The following SPMIP4 variants were observed in gnomAD, a reference collection of about 807,000 sequenced individuals.
The protein encoded by SPMIP4 is sperm-associated microtubule inner protein 4.
the SPMIP4 span, chr7:25,180,066 GCACCTACGGCC>G: frequency 1.3e-5 from 2 of 152,202 alleles, no homozygotes; most frequent in Non-Finnish European, 2.9e-5. Flanking sequence ...GAGGTCGTCC[GCACCTACGGCC>G]CGGTGGAGCT....
At chr7:25,129,331 C>T in the SPMIP4 span, among the ~76,000 whole-genome samples, 2 of 152,204 alleles carry the variant, frequency 1.3e-5, no homozygotes, top group Admixed American at 6.5e-5. Context: ...TGAATGACTC[C>T]TCTCTAGCTA....
chr7:25,170,968 T>A, the SPMIP4 span, among the ~76,000 whole-genome samples: 25,560 of 152,194 alleles, frequency 0.17, 2,900 homozygotes, highest in African/African-American at 0.32. Flanking sequence ...AGCATCTCCT[T>A]AGAGCTTCTT....
At chr7:25,142,154 TA>T in the SPMIP4 span, 1 of 930,318 alleles carries the variant, frequency 1.1e-6, no homozygotes. Flanking sequence ...ACTTGGTTGC[TA>T]AAACCCAGGA....
the SPMIP4 span, chr7:25,136,315 A>AT: frequency 1.9e-6 from 3 of 1,614,216 alleles, no homozygotes; most frequent in Non-Finnish European, 2.5e-6. This position sits in a 1 kb window ranked among gnomAD's most constrained non-coding sequence, Gnocchi z 5.7. Context: ...GTCTGGACAC[A>AT]TATTATACTG....
At chr7:25,136,223 GCTTA>G in the SPMIP4 span, 11 of 1,613,966 alleles carry the variant, frequency 6.8e-6, no homozygotes, top group East Asian at 6.7e-5. The surrounding 1 kb of genome is among the most constrained non-coding windows in gnomAD (Gnocchi z 5.7). Flanking sequence ...TCTTCTTCTG[GCTTA>G]CTTAAAAAAT....
At chr7:25,131,158 T>A in the SPMIP4 span, among the ~76,000 whole-genome samples, 1 of 152,226 alleles carries the variant, frequency 6.6e-6, no homozygotes, top group Admixed American at 6.5e-5. The surrounding 1 kb of genome is among the most constrained non-coding windows in gnomAD (Gnocchi z 4.2). Flanking sequence ...GAACTGCACA[T>A]GCAAGGGATC....
the SPMIP4 span, among the ~76,000 whole-genome samples, chr7:25,138,790 T>C: frequency 6.6e-6 from 1 of 152,200 alleles, no homozygotes; most frequent in Non-Finnish European, 1.5e-5. The surrounding 1 kb of genome is among the most constrained non-coding windows in gnomAD (Gnocchi z 6.2). Flanking sequence ...GATTTGCATG[T>C]AAATATATGG....
the SPMIP4 span, among the ~76,000 whole-genome samples, chr7:25,148,190 T>C: frequency 6.6e-6 from 1 of 152,194 alleles, no homozygotes; most frequent in Non-Finnish European, 1.5e-5. Context: ...GTAATTGGTG[T>C]GGGGTGCAAC....
chr7:25,146,842 T>C, the SPMIP4 span, among the ~76,000 whole-genome samples: 2 of 93,726 alleles, frequency 2.1e-5, no homozygotes, highest in South Asian at 7.7e-4. Context: ...TGTGATTATA[T>C]CTCATCTTAT....
chr7:25,146,277 C>T, the SPMIP4 span, among the ~76,000 whole-genome samples: 55 of 152,044 alleles, frequency 3.6e-4, no homozygotes, highest in Non-Finnish European at 7.1e-4. Flanking sequence ...TGGATAACAG[C>T]GCTGCCTGAG....
At chr7:25,130,869 AG>A in the SPMIP4 span, among the ~76,000 whole-genome samples, 6 of 152,368 alleles carry the variant, frequency 3.9e-5, no homozygotes, top group African/African-American at 1.4e-4. Flanking sequence ...TAGCTATGTC[AG>A]ATTTATTTGA....
the SPMIP4 span, among the ~76,000 whole-genome samples, chr7:25,157,930 C>T: frequency 1.3e-5 from 2 of 152,270 alleles, no homozygotes. Flanking sequence ...GGGAACTCTC[C>T]ACACTATCTT....
chr7:25,139,960 T>C, the SPMIP4 span, among the ~76,000 whole-genome samples: 2 of 152,224 alleles, frequency 1.3e-5, no homozygotes, highest in Non-Finnish European at 2.9e-5. Context: ...TATCTCGTTA[T>C]TCATAAATAT....
chr7:25,168,375 G>A, the SPMIP4 span: 179,135 of 1,612,220 alleles, frequency 0.11, 12,026 homozygotes, highest in African/African-American at 0.3. Context: ...TGTGGTCCTC[G>A]GGGAGTGAAA....
the SPMIP4 span, among the ~76,000 whole-genome samples, chr7:25,177,925 C>T: frequency 1.3e-3 from 201 of 152,142 alleles, no homozygotes; most frequent in African/African-American, 4.7e-3. Context: ...AGCATAGTAC[C>T]CAAGAGGTAG....
chr7:25,136,216 T>C, the SPMIP4 span: 1 of 1,614,188 alleles, frequency 6.2e-7, no homozygotes, highest in Non-Finnish European at 8.5e-7. This position sits in a 1 kb window ranked among gnomAD's most constrained non-coding sequence, Gnocchi z 5.7. Flanking sequence ...GAACAACTCT[T>C]CTTCTGGCTT....
chr7:25,127,214 T>C, the SPMIP4 span, among the ~76,000 whole-genome samples: 2 of 152,192 alleles, frequency 1.3e-5, no homozygotes, highest in African/African-American at 4.8e-5. Flanking sequence ...TGTACTTGAA[T>C]ATTGATATCT....
At chr7:25,169,484 CT>C in the SPMIP4 span, among the ~76,000 whole-genome samples, 3 of 152,140 alleles carry the variant, frequency 2.0e-5, no homozygotes, top group Admixed American at 1.3e-4. Context: ...AACACGTGGC[CT>C]TTTGTGATGG....
the SPMIP4 span, among the ~76,000 whole-genome samples, chr7:25,161,736 T>C: frequency 1.3e-5 from 2 of 151,356 alleles, no homozygotes; most frequent in African/African-American, 4.9e-5. Context: ...ATTACAGGCA[T>C]GAGCCACCAT....
Sources: gnomAD v4.1 joint callset for allele counts (sites outside exome capture counted in the v4.1 genomes callset) on GRCh38, gnomAD v4.1.1 for gene constraint, Gnocchi (gnomAD v3.1) non-coding constraint, MANE v1.5 for transcripts, NCBI Gene and HGNC (gene_info 2026-07-23, HGNC 2026-07-21) for gene names.